ATP9B: variants seen among roughly 807,000 people sequenced by gnomAD.
ATP9B encodes ATPase phospholipid transporting 9B.
Under a neutral mutation model 146.1 loss-of-function variants are expected in ATP9B, and 110 were observed. The observed-to-expected ratio is 0.75, with a 90% CI of 0.65 to 0.88. The LOEUF is 0.88. Among genes scored for constraint, ATP9B ranks in the 40% least tolerant of loss-of-function variants. The pLI, the probability that ATP9B is intolerant of heterozygous loss-of-function variation, is 0.00. For synonymous variants in ATP9B, 604 were observed against 569.7 expected (o/e 1.06, Z -0.86); for missense variants, 1,499 against 1,496.4 (o/e 1.00, Z -0.03).
intron 13 of ATP9B, among the ~76,000 whole-genome samples, chr18:79,290,515 T>C (rs994064992): frequency 1.6e-4 from 24 of 152,348 alleles, no homozygotes; most frequent in East Asian, 1.2e-3. Flanking sequence ...AGGTGCTGTC[T>C]GTCACCCCTT....
intron 29 of ATP9B, 72 bp downstream of exon 29, chr18:79,375,498 A>T (rs1046709729): frequency 1.9e-6 from 3 of 1,565,854 alleles, no homozygotes; most frequent in Non-Finnish European, 2.6e-6. Context: ...ATACTTAACT[A>T]ATAAGAAAAA....
At chr18:79,238,366 G>T (rs1599171554) in intron 11 of ATP9B, among the ~76,000 whole-genome samples, 1 of 152,138 alleles carries the variant, frequency 6.6e-6, no homozygotes, top group Non-Finnish European at 1.5e-5. Context: ...ACGTGAGGTG[G>T]TGATTGTGGG....
chr18:79,112,627 A>G (rs1345186952), intron 3 of ATP9B, among the ~76,000 whole-genome samples: 1 of 152,044 alleles, frequency 6.6e-6, no homozygotes, highest in East Asian at 1.9e-4. Context: ...ATCATTTTTA[A>G]TGTTTTGAGG....
chr18:79,093,828 A>G (rs533305428), intron 1 of ATP9B, among the ~76,000 whole-genome samples: 2 of 152,348 alleles, frequency 1.3e-5, no homozygotes, highest in South Asian at 2.1e-4. Flanking sequence ...TATTCACTTC[A>G]AGACTGTTCA....
At chr18:79,372,468 A>G (rs2097077350) in intron 26 of ATP9B, 1 of 421,518 alleles carries the variant, frequency 2.4e-6, no homozygotes, top group Non-Finnish European at 4.7e-6. Context: ...ATTTGTTGAC[A>G]AGAAATAAGG....
At chr18:79,188,789 C>T (rs1047090339) in intron 8 of ATP9B, among the ~76,000 whole-genome samples, 10 of 151,944 alleles carry the variant, frequency 6.6e-5, no homozygotes, top group Admixed American at 6.6e-4. Context: ...TTAAGGCCTT[C>T]AAGTGTACCT....
At chr18:79,371,381 A>C (rs955966899) in intron 26 of ATP9B, among the ~76,000 whole-genome samples, 6 of 148,808 alleles carry the variant, frequency 4.0e-5, no homozygotes, top group Admixed American at 1.4e-4. Context: ...AAAAAAAAAA[A>C]AAAAAAAAAA....
intron 1 of ATP9B, among the ~76,000 whole-genome samples, chr18:79,074,786 G>A (rs1328199509): frequency 6.6e-6 from 1 of 152,224 alleles, no homozygotes; most frequent in Non-Finnish European, 1.5e-5. Flanking sequence ...GACTTAACTG[G>A]GGAGGAGCAG....
chr18:79,261,337 A>G (rs569473277), intron 12 of ATP9B, among the ~76,000 whole-genome samples: 38 of 152,250 alleles, frequency 2.5e-4, no homozygotes, highest in Non-Finnish European at 5.1e-4. Flanking sequence ...TAATTAAGAT[A>G]ATGATCTCTA....
intron 12 of ATP9B, among the ~76,000 whole-genome samples, chr18:79,268,819 T>C (rs2096229001): frequency 6.6e-6 from 1 of 152,224 alleles, no homozygotes; most frequent in African/African-American, 2.4e-5. Context: ...GTGCTTTTGA[T>C]GCTGGTCTGT....
chr18:79,283,260 T>C (rs2096398674), intron 13 of ATP9B, among the ~76,000 whole-genome samples: 1 of 152,178 alleles, frequency 6.6e-6, no homozygotes, highest in African/African-American at 2.4e-5. Context: ...GGTTGTTTAT[T>C]ATAAAGCGTC....
At chr18:79,087,476 T>C (rs1402821924) in intron 1 of ATP9B, 1 of 152,280 alleles carries the variant, frequency 6.6e-6, no homozygotes, top group Non-Finnish European at 1.5e-5. Context: ...GAAGGAAATA[T>C]GCACATTTCT....
At chr18:79,139,484 A>T (rs2147357964) in intron 5 of ATP9B, among the ~76,000 whole-genome samples, 1 of 152,252 alleles carries the variant, frequency 6.6e-6, no homozygotes, top group Admixed American at 6.5e-5. Context: ...CAGCTCCATT[A>T]TCATCTTGTT....
Position 79,329,226 on chromosome 18 carries a change from G to T in ATP9B, c.1859G>T (p.Gly620Val). ...TCCATGCAGCTGAAGACCCCCAGTG[G>T]CCAGGTCCTCAGCTTCTGCATTCTG... ...LTSMQLKTPS[G>V]QVLSFCILQL... Residue 620 changes from glycine (G) to valine (V), a missense_variant, in exon 16 of 30, where the codon GGC becomes GTC. Transcript: ENST00000426216. 1 of 1,612,790 alleles carries T rather than the reference G, an allele frequency of 6.2e-7. No individual in the cohort carries two copies. Among genetic ancestry groups the T allele is most frequent in the Non-Finnish European group, 8.5e-7 (1 of 1,179,838 alleles).
At chr18:79,315,772 G>A (rs955361325) in intron 15 of ATP9B, among the ~76,000 whole-genome samples, 8 of 152,228 alleles carry the variant, frequency 5.3e-5, no homozygotes, top group Admixed American at 5.2e-4. Context: ...TATTTAGCAT[G>A]GAGAAGTGCA....
chr18:79,113,515 C>G (rs75972385), intron 4 of ATP9B, among the ~76,000 whole-genome samples, 161 bp downstream of exon 4: 2 of 152,186 alleles, frequency 1.3e-5, no homozygotes, highest in East Asian at 3.8e-4. Context: ...ATTTCAGTCC[C>G]TCTGAGAACC....
At position 79,165,344 on chromosome 18, in the gene ATP9B, C is replaced by T. The variant is rs187871514; in HGVS notation, c.778+10789C>T. Among the ~76,000 whole-genome samples the T allele has an allele frequency of 5.9e-5, 9 of 152,280 alleles. 1 individual carries two copies. In the East Asian group the frequency reaches 1.7e-3, roughly 29 times the overall value. On this transcript the variant is annotated intron_variant, in intron 7 of 29. Coordinates refer to ENST00000426216, the MANE Select transcript of ATP9B (RefSeq NM_198531.5). The stretch of plus-strand genomic sequence containing the variant: ...TGTTGGTGCTTTGGGCCCAATATGT[C>T]TCTGCTGTGGTGGGCAGGTCTGTCT...
chr18:79,126,479 A>G, intron 5 of ATP9B, 104 bp downstream of exon 5: 1 of 796,434 alleles, frequency 1.3e-6, no homozygotes, highest in Admixed American at 2.6e-5. Flanking sequence ...ATTATTGAAA[A>G]TAGTATTATG....
chr18:79,262,954 G>T (rs2096159556), intron 12 of ATP9B, among the ~76,000 whole-genome samples: 1 of 151,814 alleles, frequency 6.6e-6, no homozygotes. Flanking sequence ...CACTGTCTTG[G>T]CTTTAAAAAA....
Sources: gnomAD v4.1 joint callset for allele counts (sites outside exome capture counted in the v4.1 genomes callset) on GRCh38, gnomAD v4.1.1 for gene constraint, MANE v1.5 for transcripts, NCBI Gene and HGNC (gene_info 2026-07-23, HGNC 2026-07-21) for gene names.